ERLEC1: variants seen among roughly 807,000 people sequenced by gnomAD.
ERLEC1 encodes ER lectin.
ERLEC1 carries 47 observed loss-of-function variants against 68.0 expected under a neutral mutation model. That is an observed-to-expected ratio of 0.69 (90% CI 0.55 to 0.88). The LOEUF (loss-of-function observed/expected upper bound fraction) is 0.88. Ranked by LOEUF, ERLEC1 falls within the 40% of genes least tolerant of loss-of-function variation. The pLI is 0.00. For synonymous variants in ERLEC1, 225 were observed against 203.2 expected (o/e 1.11, Z -0.91); for missense variants, 567 against 583.8 (o/e 0.97, Z 0.30).
intron 4 of ERLEC1, 24 bp from the exon 5 acceptor site, chr2:53,797,708 T>A (rs773638001): frequency 3.8e-6 from 6 of 1,598,064 alleles, no homozygotes; most frequent in Non-Finnish European, 5.1e-6. Context: ...ACTTAGTATA[T>A]TTTTATTTTA....
chr2:53,798,570 A>C (rs148870502), intron 5 of ERLEC1, among the ~76,000 whole-genome samples: 1,642 of 152,044 alleles, frequency 0.011, 33 homozygotes, highest in African/African-American at 0.037. Context: ...ACAGCCTAAA[A>C]GCTTTACTAA....
intron 3 of ERLEC1, among the ~76,000 whole-genome samples, chr2:53,797,097 G>C (rs1252426737): frequency 6.6e-6 from 1 of 152,088 alleles, no homozygotes; most frequent in Non-Finnish European, 1.5e-5. Flanking sequence ...GTTTTGCCAT[G>C]TTGGCCAAGC....
chr2:53,805,521 C>G (rs1052468983), intron 8 of ERLEC1, among the ~76,000 whole-genome samples: 11 of 152,156 alleles, frequency 7.2e-5, no homozygotes, highest in African/African-American at 2.6e-4. Flanking sequence ...GCTGGACGAC[C>G]CTACATTTTC....
At position 53,794,438 on chromosome 2, in the gene ERLEC1, A is replaced by G. The variant is rs1182296844; in HGVS notation, c.256A>G (p.Ser86Gly). 34 of 1,515,884 alleles carry G rather than the reference A, an allele frequency of 2.2e-5. No homozygotes were observed. The highest frequency in any genetic ancestry group is 2.8e-5 in the African/African-American group (2 of 71,982). 93.9% of individuals were successfully genotyped at this position (1,515,884 alleles called of 1,614,324 possible). A position where few individuals can be genotyped will look rare whatever the true frequency, so the allele number is the denominator to read the frequency against. Residue 86 changes from serine (S) to glycine (G), a missense_variant, in exon 2 of 14, where the codon AGT (serine) becomes GGT (glycine). Transcript: ENST00000185150. ...KYKCILPLVT[S>G]GDEEEEKDYK... ...TAAATGCATACTTCCCCTTGTGACA[A>G]GTGGGGATGAGGTAAGTTTTTATAA...
intron 13 of ERLEC1, among the ~76,000 whole-genome samples, chr2:53,817,367 T>C (rs1360289582): frequency 6.6e-6 from 1 of 152,056 alleles, no homozygotes; most frequent in Non-Finnish European, 1.5e-5. Context: ...TCTTCTGCCC[T>C]CACGATCCGC....
At chr2:53,800,101 G>C (rs1462516434) in intron 6 of ERLEC1, among the ~76,000 whole-genome samples, 1 of 152,090 alleles carries the variant, frequency 6.6e-6, no homozygotes, top group African/African-American at 2.4e-5. Flanking sequence ...AGCAGTGGAG[G>C]TGCATTATGA....
At chr2:53,806,325 C>T (rs1676294173) in intron 8 of ERLEC1, among the ~76,000 whole-genome samples, 1 of 152,164 alleles carries the variant, frequency 6.6e-6, no homozygotes, top group Non-Finnish European at 1.5e-5. Context: ...AATAAAGGGT[C>T]ATGCTTCTAT....
chr2:53,805,950 G>C (rs931844261), intron 8 of ERLEC1, among the ~76,000 whole-genome samples: 2 of 152,140 alleles, frequency 1.3e-5, no homozygotes, highest in East Asian at 1.9e-4. Context: ...GAAAATCTTA[G>C]GTGATACTGT....
At position 53,797,795 on chromosome 2, in the gene ERLEC1, G is replaced by C. The variant is rs1220293489; in HGVS notation, c.490G>C (p.Glu164Gln). The change falls in exon 5 of 14, where the codon GAA becomes CAA. Residue 164 changes from glutamate (E) to glutamine (Q), a missense_variant and splice_region_variant. Coordinates refer to ENST00000185150, the MANE Select transcript of ERLEC1 (RefSeq NM_015701.5). The stretch of plus-strand genomic sequence containing the variant: ...GGCCAAGAACCTTCTATTTGAAAAA[G>C]GTTGGTGTCTACCCAGTGATTTGAC... Reference protein sequence around the residue: ...MLAKNLLFEKEREAEEKEKSN... With the variant: ...MLAKNLLFEKQREAEEKEKSN... 1 of 1,610,962 alleles carries C rather than the reference G, an allele frequency of 6.2e-7. No homozygotes were observed. The highest frequency in any genetic ancestry group is 8.5e-7 in the Non-Finnish European group (1 of 1,178,184).
At chr2:53,798,981 A>C (rs1675864408) in intron 5 of ERLEC1, 66 bp from the exon 6 acceptor site, 5 of 1,435,936 alleles carry the variant, frequency 3.5e-6, no homozygotes, top group South Asian at 1.2e-5. Context: ...AAGGTGGTTG[A>C]AAACTTACTC....
At chr2:53,789,519 C>G (rs1277873606) in intron 1 of ERLEC1, among the ~76,000 whole-genome samples, 2 of 152,158 alleles carry the variant, frequency 1.3e-5, no homozygotes, top group Non-Finnish European at 2.9e-5. Context: ...CCTCAGCCTC[C>G]TGAACAGCGA....
intron 2 of ERLEC1, among the ~76,000 whole-genome samples, chr2:53,795,615 TA>T (rs1320125693): frequency 6.6e-6 from 1 of 152,222 alleles, no homozygotes; most frequent in Non-Finnish European, 1.5e-5. Flanking sequence ...GAAATAGGTT[TA>T]TAAGAATTGT....
chr2:53,808,768 C>T (rs1558603731), intron 9 of ERLEC1, among the ~76,000 whole-genome samples: 1 of 152,136 alleles, frequency 6.6e-6, no homozygotes, highest in Admixed American at 6.6e-5. Flanking sequence ...ATGTAGCAAT[C>T]ACATTTCAAA....
At position 53,796,446 on chromosome 2, in the gene ERLEC1, C is replaced by CT. The variant is rs879648277; in HGVS notation, c.348+442dup. ...AGTTAGGTATAAATATAAATTATTT[C>CT]TTTTTTTTTCTTTCTTTGCTTTTTT... is the stretch of plus-strand genomic sequence containing the variant. On this transcript the variant is annotated intron_variant, in intron 3 of 13. Transcript: ENST00000185150. Among the ~76,000 whole-genome samples, 68 of 150,810 alleles carry CT rather than the reference C, an allele frequency of 4.5e-4. No homozygotes were observed. The South Asian group carries it at 0.013, about 30-fold the overall frequency.
At chr2:53,803,205 CTT>C (rs1291764582) in intron 8 of ERLEC1, among the ~76,000 whole-genome samples, 2 of 152,158 alleles carry the variant, frequency 1.3e-5, no homozygotes, top group Non-Finnish European at 2.9e-5. Flanking sequence ...TTTGCTTCCT[CTT>C]GAGTACTTCT....
In ERLEC1 at chr2:53,787,128, T is replaced by G. The variant is rs1573052254; in HGVS notation, c.-83T>G. ...CCGGGCGCTTTATAGTCCCGCCGCC[T>G]CCTCCTCCACCTCCTCCTCCTCCTC... On this transcript the variant is annotated 5_prime_UTR_variant, in exon 1 of 14. Coordinates refer to ENST00000185150, the MANE Select transcript of ERLEC1 (RefSeq NM_015701.5). 4.7e-4 allele frequency: 285 copies of G among 611,586 alleles called. No individual in the cohort carries two copies. The highest frequency in any genetic ancestry group is 6.3e-4 in the Non-Finnish European group (258 of 408,556). 37.9% of individuals were successfully genotyped at this position (611,586 alleles called of 1,614,324 possible).
chr2:53,807,874 A>C lies in ERLEC1; in HGVS notation c.880-425A>C, dbSNP rs75171794. ...ACAACAACAACAACAACAACAACAA[A>C]AAATGCCAGGCGTGGTGGCAGGCTC... On this transcript the variant is annotated intron_variant, in intron 8 of 13. Transcript: ENST00000185150. Among the ~76,000 whole-genome samples, 1,229 of 149,178 alleles carry C rather than the reference A, an allele frequency of 8.2e-3. 8 individuals are homozygous for C. The highest frequency in any genetic ancestry group is 0.051 in the Middle Eastern group (15 of 292).
In ERLEC1 at chr2:53,818,093, C is replaced by T; in HGVS notation, c.*124C>T. 2 of 646,648 alleles carry T rather than the reference C, an allele frequency of 3.1e-6. No individual in the cohort carries two copies. The highest frequency in any genetic ancestry group is 3.7e-5 in the South Asian group (2 of 53,938). The allele number at this position is 646,648 out of a possible 1,614,324, so 40.1% of individuals were successfully genotyped here. ...CTAAAGGATGGTATAAAATGACTCT[C>T]AACCACTTTGTGAATACATATGTGT... is the stretch of plus-strand genomic sequence containing the variant. On this transcript the variant is annotated 3_prime_UTR_variant, in exon 14 of 14. Transcript: ENST00000185150.
chr2:53,789,451 T>A (rs1215494269), intron 1 of ERLEC1, among the ~76,000 whole-genome samples: 1 of 151,814 alleles, frequency 6.6e-6, no homozygotes, highest in Non-Finnish European at 1.5e-5. Context: ...AGTAGGTATT[T>A]ATAGGCATGA....
Sources: gnomAD v4.1 joint callset for allele counts (sites outside exome capture counted in the v4.1 genomes callset) on GRCh38, gnomAD v4.1.1 for gene constraint, MANE v1.5 for transcripts, NCBI Gene and HGNC (gene_info 2026-07-23, HGNC 2026-07-21) for gene names.